The following TIAM2 variants were observed in gnomAD, a reference collection of about 807,000 sequenced individuals.
The protein encoded by TIAM2 is rho guanine nucleotide exchange factor TIAM2.
TIAM2 carries 80 observed loss-of-function variants against 152.9 expected under a neutral mutation model. The observed-to-expected ratio is 0.52, with a 90% CI of 0.44 to 0.63. TIAM2 has a LOEUF of 0.63. TIAM2 is among the 30% of genes least tolerant of loss of function. The pLI is 0.00. For synonymous variants in TIAM2, 804 were observed against 838.0 expected, an observed-to-expected ratio of 0.96 and a Z score of 0.70; for missense variants, 1,965 against 2,120.1, an observed-to-expected ratio of 0.93 and a Z score of 1.44.
At chr6:155,202,586 C>CTT (rs34052608) in intron 14 of TIAM2, among the ~76,000 whole-genome samples, 35 of 133,974 alleles carry the variant, frequency 2.6e-4, no homozygotes, top group South Asian at 9.8e-4. Context: ...ACCTGGATAA[C>CTT]TTTTTTTTTT....
chr6:155,135,355 G>A lies in TIAM2; in HGVS notation c.1195-1822G>A, dbSNP rs373374299. 1.4e-4 allele frequency among the ~76,000 whole-genome samples: 21 copies of A among 152,270 alleles called. No homozygotes were observed. In the East Asian group the frequency reaches 2.5e-3, roughly 18 times the overall value. ...TGTAATATTCAAAATAAGGCCTTTAGTCAATGGTCCTTGACCCAGTTTTCC... is the reference window on the plus strand; with the variant it reads ...TGTAATATTCAAAATAAGGCCTTTAATCAATGGTCCTTGACCCAGTTTTCC... On this transcript the variant is annotated intron_variant, in intron 4 of 26. Coordinates refer to ENST00000682666, the MANE Select transcript of TIAM2 (RefSeq NM_012454.4).
chr6:155,094,724 G>GGTTTTTTTTTTTTTTT (rs1554229770), intron 2 of TIAM2, among the ~76,000 whole-genome samples: 2 of 136,190 alleles, frequency 1.5e-5, no homozygotes, highest in African/African-American at 5.4e-5. Flanking sequence ...TATATCTATG[G>GGTTTTTTTTTTTTTTT]TTTTTTTTTT....
At chr6:155,198,299 C>T (rs1157644595) in intron 14 of TIAM2, among the ~76,000 whole-genome samples, 3 of 152,166 alleles carry the variant, frequency 2.0e-5, no homozygotes, top group Non-Finnish European at 2.9e-5. Flanking sequence ...ACACAGCAGC[C>T]AGCACAATTC....
chr6:155,046,980 A>G (rs1036872651), intron 1 of TIAM2, among the ~76,000 whole-genome samples: 1 of 152,202 alleles, frequency 6.6e-6, no homozygotes, highest in African/African-American at 2.4e-5. Flanking sequence ...GTGAAGATAT[A>G]TGTTTGGGGT....
intron 1 of TIAM2, among the ~76,000 whole-genome samples, chr6:155,068,096 T>C (rs1777745150): frequency 6.6e-6 from 1 of 152,170 alleles, no homozygotes; most frequent in South Asian, 2.1e-4. Flanking sequence ...GTTACACCCA[T>C]CAGTTGTTAA....
Position 155,257,192 on chromosome 6 carries a change from A to ATCCAGATATGGGTTAAATTCCTC in TIAM2, c.*71_*72insTCCAGATATGGGTTAAATTCCTC. ...AACTGGTGGTAAAGTGGAAATTGCA[A>ATCCAGATATGGGTTAAATTCCTC]AAAAAAAAAAAAAAAAAAACTGTTC... On this transcript the variant is annotated 3_prime_UTR_variant, in exon 27 of 27. Transcript: ENST00000682666. 2 of 425,334 alleles carry ATCCAGATATGGGTTAAATTCCTC rather than the reference A, an allele frequency of 4.7e-6. No individual in the cohort carries two copies. Among genetic ancestry groups the ATCCAGATATGGGTTAAATTCCTC allele is most frequent in the Non-Finnish European group, 5.9e-6 (2 of 337,832 alleles). The allele number at this position is 425,334 out of a possible 1,614,324, so 26.3% of individuals were successfully genotyped here.
intron 1 of TIAM2, among the ~76,000 whole-genome samples, chr6:155,026,914 A>C (rs989132840): frequency 6.6e-6 from 1 of 152,128 alleles, no homozygotes; most frequent in East Asian, 1.9e-4. Context: ...AAAACTGTTC[A>C]TTTGTTATAG....
In TIAM2 at chr6:155,213,980, C is replaced by A. The variant is rs1330117610; in HGVS notation, c.3168+2673C>A. On this transcript the variant is annotated intron_variant, in intron 15 of 26. Coordinates refer to ENST00000682666, the MANE Select transcript of TIAM2 (RefSeq NM_012454.4). The surrounding 1 kb of genome is among the most constrained non-coding windows in gnomAD (Gnocchi z 4.2). The stretch of plus-strand genomic sequence containing the variant: ...GGGGCAATGGGTCCTTCCTAGGCCC[C>A]TGAGAGTGCAGAGATGTCTGGGTCC... 1.3e-5 allele frequency among the ~76,000 whole-genome samples: 2 copies of A among 152,196 alleles called. No homozygotes were observed. Among genetic ancestry groups the A allele is most frequent in the Non-Finnish European group, 2.9e-5 (2 of 68,040 alleles).
intron 1 of TIAM2, among the ~76,000 whole-genome samples, chr6:155,028,491 AT>A (rs1776686761): frequency 9.2e-4 from 123 of 133,052 alleles, no homozygotes; most frequent in Middle Eastern, 0.011. Flanking sequence ...TACTACATAT[AT>A]ATACTGTGTT....
chr6:155,125,329 A>C (rs1583203293), intron 2 of TIAM2, among the ~76,000 whole-genome samples: 1 of 152,184 alleles, frequency 6.6e-6, no homozygotes, highest in East Asian at 1.9e-4. Context: ...GCCAATAAGC[A>C]CATGAAAAAG....
chr6:155,059,282 C>CTGTGTGTGTGTGTGTG (rs200226916), intron 1 of TIAM2, among the ~76,000 whole-genome samples: 14 of 144,202 alleles, frequency 9.7e-5, no homozygotes, highest in Non-Finnish European at 1.8e-4. Flanking sequence ...ATGTCCCTTT[C>CTGTGTGTGTGTGTGTG]TGTGTGTGTG....
At chr6:155,179,498 A>C in intron 12 of TIAM2, 42 bp downstream of exon 12, 1 of 1,539,536 alleles carries the variant, frequency 6.5e-7, no homozygotes, top group Non-Finnish European at 8.7e-7. Context: ...TGTGTTGTTC[A>C]TCTTTGCCTA....
intron 1 of TIAM2, among the ~76,000 whole-genome samples, chr6:155,038,292 C>G (rs567635074): frequency 6.6e-6 from 1 of 152,330 alleles, no homozygotes; most frequent in East Asian, 1.9e-4. Flanking sequence ...GTCTGGTTGG[C>G]CTGCCCTGCC....
At chr6:155,078,036 C>T (rs1777993914) in intron 1 of TIAM2, among the ~76,000 whole-genome samples, 1 of 152,064 alleles carries the variant, frequency 6.6e-6, no homozygotes, top group Non-Finnish European at 1.5e-5. Flanking sequence ...TCTCTGATTG[C>T]TGACCTCTGA....
chr6:155,204,110 A>T (rs1301932801), intron 14 of TIAM2, among the ~76,000 whole-genome samples: 1 of 152,196 alleles, frequency 6.6e-6, no homozygotes, highest in Non-Finnish European at 1.5e-5. Context: ...ACATTGTTCG[A>T]CTGGACCTTA....
At chr6:155,250,503 T>G (rs1488068472) in intron 21 of TIAM2, 1 of 1,521,432 alleles carries the variant, frequency 6.6e-7, no homozygotes, top group Non-Finnish European at 8.8e-7. Flanking sequence ...AGTCCTTCAC[T>G]CTGGCCAGTT....
chr6:155,198,634 C>T (rs1781403190), intron 14 of TIAM2, among the ~76,000 whole-genome samples: 1 of 101,084 alleles, frequency 9.9e-6, no homozygotes, highest in Non-Finnish European at 1.8e-5. Flanking sequence ...TGCACTCCAG[C>T]CTAGACAACA....
intron 18 of TIAM2, 170 bp downstream of exon 18, chr6:155,244,953 C>G (rs1047161735): frequency 2.4e-5 from 20 of 850,158 alleles, no homozygotes; most frequent in Non-Finnish European, 2.9e-5. Flanking sequence ...TAAAGGAAGG[C>G]TGTATATATT....
At chr6:155,016,749 A>C (rs1183130936) in intron 1 of TIAM2, among the ~76,000 whole-genome samples, 2 of 150,256 alleles carry the variant, frequency 1.3e-5, no homozygotes, top group South Asian at 2.1e-4. Context: ...AATACAAAAA[A>C]ATTAGCCAGG....
Sources: allele counts gnomAD v4.1 joint callset (sites outside exome capture counted in the v4.1 genomes callset), GRCh38; gene constraint gnomAD v4.1.1; non-coding constraint Gnocchi (gnomAD v3.1); transcripts MANE v1.5; gene names NCBI Gene and HGNC (gene_info 2026-07-23, HGNC 2026-07-21).